CALN1: variants seen among roughly 807,000 people sequenced by gnomAD.
CALN1 encodes the protein calneuron 1, also known as calcium-binding protein 8.
A neutral mutation model predicts 30.6 loss-of-function variants in CALN1; 17 were observed. The ratio of observed to expected loss-of-function variants is 0.56; its 90% CI spans 0.38 to 0.83. CALN1 has a LOEUF of 0.83. Among genes scored for constraint, CALN1 ranks in the 40% least tolerant of loss-of-function variants. The probability of loss-of-function intolerance (pLI) is 0.00; values close to 1 mark genes in which losing one functional copy is unlikely to be tolerated. For synonymous variants in CALN1, 156 were observed against 131.4 expected (o/e 1.19, Z -1.28); for missense variants, 291 against 354.9 (o/e 0.82, Z 1.45).
chr7:72,088,232 C>G (rs1475604993), intron 4 of CALN1, among the ~76,000 whole-genome samples: 1 of 152,074 alleles, frequency 6.6e-6, no homozygotes, highest in Non-Finnish European at 1.5e-5. Context: ...CAGGCACCAC[C>G]ACTACTAGAA....
At chr7:72,220,719 T>G (rs35752673) in intron 3 of CALN1, among the ~76,000 whole-genome samples, 84,086 of 150,472 alleles carry the variant, frequency 0.56, 23,608 homozygotes, top group South Asian at 0.64. Context: ...TTCCTGACTT[T>G]TTAATGATTG....
At chr7:71,802,788 C>T (rs1418851769) in intron 6 of CALN1, among the ~76,000 whole-genome samples, 4 of 152,030 alleles carry the variant, frequency 2.6e-5, no homozygotes, top group African/African-American at 9.7e-5. Context: ...TTTGGGAGGC[C>T]GAGGATGGGG....
intron 3 of CALN1, among the ~76,000 whole-genome samples, chr7:72,200,137 C>CA (rs1054298411): frequency 1.3e-5 from 2 of 151,850 alleles, no homozygotes; most frequent in African/African-American, 4.8e-5. Flanking sequence ...CAAATCAACT[C>CA]AAAAAAAGCC....
chr7:72,187,741 G>A (rs1454304342), intron 3 of CALN1, among the ~76,000 whole-genome samples: 2 of 152,060 alleles, frequency 1.3e-5, no homozygotes, highest in African/African-American at 2.4e-5. Flanking sequence ...CGCTCTTTTC[G>A]TGTATACGTG....
chr7:72,367,352 G>C (rs1803939514), intron 2 of CALN1, among the ~76,000 whole-genome samples: 1 of 152,050 alleles, frequency 6.6e-6, no homozygotes, highest in African/African-American at 2.4e-5. Flanking sequence ...GGGAGTGTTG[G>C]CATGCACCTG....
At chr7:71,959,095 G>T (rs6460700) in intron 5 of CALN1, among the ~76,000 whole-genome samples, 48,907 of 152,050 alleles carry the variant, frequency 0.32, 8,107 homozygotes, top group South Asian at 0.44. Flanking sequence ...CACTATCAAA[G>T]GCTAGGAGAG....
chr7:72,161,041 T>C (rs1241148501), intron 3 of CALN1, among the ~76,000 whole-genome samples: 1 of 152,178 alleles, frequency 6.6e-6, no homozygotes, highest in Non-Finnish European at 1.5e-5. Context: ...TCTTGTGCTT[T>C]TCTGATGAAA....
rs1792902162 is a variant in CALN1 at position 71,784,836 on chromosome 7, G to A, written c.*2939C>T. 3 of 398,562 alleles carry A rather than the reference G, an allele frequency of 7.5e-6. No homozygotes were observed. The highest frequency in any genetic ancestry group is 2.5e-4 in the South Asian group (2 of 7,864). The allele number at this position is 398,562 out of a possible 1,614,324, so 24.7% of individuals were successfully genotyped here. On this transcript the variant is annotated 3_prime_UTR_variant, in exon 7 of 7. Coordinates refer to ENST00000395275, the MANE Select transcript of CALN1 (RefSeq NM_031468.4). ...TACATGGCATCCCTTGGGCATGGGA[G>A]ACCAGGACCTTCTGGAATCTTCAGC...
At chr7:71,970,790 C>T (rs1256478152) in intron 5 of CALN1, among the ~76,000 whole-genome samples, 2 of 152,128 alleles carry the variant, frequency 1.3e-5, no homozygotes, top group African/African-American at 4.8e-5. Context: ...ATCACCATCC[C>T]AGCGTTTTCC....
chr7:71,818,767 T>C (rs971724432), intron 5 of CALN1, among the ~76,000 whole-genome samples: 37 of 152,008 alleles, frequency 2.4e-4, no homozygotes, highest in African/African-American at 8.7e-4. Context: ...TGGAGTGCAG[T>C]GGTGCGGTCT....
intron 2 of CALN1, among the ~76,000 whole-genome samples, chr7:72,374,330 C>G (rs929133952): frequency 6.6e-6 from 1 of 152,006 alleles, no homozygotes; most frequent in African/African-American, 2.4e-5. Flanking sequence ...GGAGCTCAAT[C>G]CCAGCCTGGC....
intron 2 of CALN1, among the ~76,000 whole-genome samples, chr7:72,386,566 A>G (rs1805221308): frequency 6.6e-6 from 1 of 152,204 alleles, no homozygotes; most frequent in Non-Finnish European, 1.5e-5. Flanking sequence ...GTTTCCAGTA[A>G]ACAAGGGGAG....
At chr7:71,829,884 G>A (rs567546652) in intron 5 of CALN1, among the ~76,000 whole-genome samples, 1 of 152,322 alleles carries the variant, frequency 6.6e-6, no homozygotes, top group East Asian at 1.9e-4. Context: ...GGATGTGCCA[G>A]TGTTCTCAAG....
chr7:72,327,146 T>C (rs991784893), intron 2 of CALN1, among the ~76,000 whole-genome samples: 6 of 152,200 alleles, frequency 3.9e-5, no homozygotes, highest in African/African-American at 1.2e-4. Context: ...CAAGGTCAAC[T>C]TGGGCTTTAT....
At chr7:72,392,897 G>C (rs967900868) in intron 2 of CALN1, among the ~76,000 whole-genome samples, 5 of 152,006 alleles carry the variant, frequency 3.3e-5, no homozygotes, top group African/African-American at 9.7e-5. Flanking sequence ...TACTTCGGAG[G>C]CTGAGGTGGG....
chr7:72,211,127 G>A (rs1053121407), intron 3 of CALN1, among the ~76,000 whole-genome samples: 27 of 152,190 alleles, frequency 1.8e-4, no homozygotes, highest in African/African-American at 4.6e-4. Context: ...CAAAGGGTTC[G>A]TATTGCCAAC....
chr7:72,381,903 A>C (rs1308522683), intron 2 of CALN1, among the ~76,000 whole-genome samples: 2 of 152,246 alleles, frequency 1.3e-5, no homozygotes, highest in Non-Finnish European at 2.9e-5. Flanking sequence ...AAATAAGCCA[A>C]ACCCATAGAA....
chr7:72,194,461 G>A (rs1790841681), intron 3 of CALN1, among the ~76,000 whole-genome samples: 1 of 152,086 alleles, frequency 6.6e-6, no homozygotes, highest in Non-Finnish European at 1.5e-5. Flanking sequence ...GCCTGGGAGA[G>A]GGAGGTTGCA....
the CALN1 span, among the ~76,000 whole-genome samples, chr7:72,473,087 C>T: frequency 6.6e-6 from 1 of 151,932 alleles, no homozygotes; most frequent in Non-Finnish European, 1.5e-5. Flanking sequence ...GTCAGCTCCC[C>T]TGTTTTTGAG....
Sources: allele counts gnomAD v4.1 joint callset (sites outside exome capture counted in the v4.1 genomes callset), GRCh38; gene constraint gnomAD v4.1.1; transcripts MANE v1.5; gene names NCBI Gene and HGNC (gene_info 2026-07-23, HGNC 2026-07-21).